Variants in RGS6 observed in about 807,000 individuals in gnomAD.
RGS6 encodes the protein regulator of G protein signaling 6.
A neutral mutation model predicts 78.5 loss-of-function variants in RGS6; 30 were observed. That is an observed-to-expected ratio of 0.38 (90% CI 0.29 to 0.52). The LOEUF is 0.52. Among genes scored for constraint, RGS6 ranks in the 20% least tolerant of loss-of-function variants. The pLI, the probability that RGS6 is intolerant of heterozygous loss-of-function variation, is 0.85. For synonymous variants in RGS6, 206 were observed against 206.0 expected (o/e 1.00, Z 0.00); for missense variants, 495 against 609.7 (o/e 0.81, Z 1.98).
intron 2 of RGS6, among the ~76,000 whole-genome samples, chr14:71,982,912 T>C (rs534834324): frequency 2.0e-5 from 3 of 152,210 alleles, no homozygotes; most frequent in African/African-American, 7.2e-5. Context: ...CCCCAGAACA[T>C]TGGCCTTGAG....
chr14:72,253,474 C>T (rs2056329853), intron 2 of RGS6, among the ~76,000 whole-genome samples: 1 of 152,232 alleles, frequency 6.6e-6, no homozygotes, highest in African/African-American at 2.4e-5. Context: ...GGGCCATTTA[C>T]AGTCTGTCAT....
In RGS6 at chr14:72,528,161, TGTCTAAA is replaced by T. The variant is rs2097140875; in HGVS notation, c.1279-8024_1279-8018del. Among the ~76,000 whole-genome samples, 3 of 152,318 alleles carry T rather than the reference TGTCTAAA, an allele frequency of 2.0e-5. No individual in the cohort carries two copies. The South Asian group carries it at 6.2e-4, about 32-fold the overall frequency. On this transcript the variant is annotated intron_variant, in intron 15 of 17. Transcript: ENST00000553525. ...ACCTCTTGAGAGAGTCACTGTGTTT[TGTCTAAA>T]AAGAAAGGAGATTTCCAAATGAGGA...
intron 2 of RGS6, among the ~76,000 whole-genome samples, chr14:72,216,757 T>C (rs2045666452): frequency 6.6e-6 from 1 of 152,152 alleles, no homozygotes. Flanking sequence ...TGTGTTTCTC[T>C]CTCTCTGGTT....
At chr14:72,389,048 C>A (rs2089196286) in intron 3 of RGS6, among the ~76,000 whole-genome samples, 1 of 152,296 alleles carries the variant, frequency 6.6e-6, no homozygotes, top group South Asian at 2.1e-4. Context: ...CCTCTCTTAG[C>A]TGCAAGAGAG....
chr14:71,998,757 C>T (rs562836602), intron 2 of RGS6, among the ~76,000 whole-genome samples: 19 of 152,326 alleles, frequency 1.2e-4, no homozygotes, highest in African/African-American at 4.3e-4. Context: ...TACCACCTCT[C>T]TTCCTAAAAG....
intron 2 of RGS6, among the ~76,000 whole-genome samples, chr14:72,127,189 G>A (rs1057045643): frequency 1.3e-5 from 2 of 152,150 alleles, no homozygotes; most frequent in Non-Finnish European, 2.9e-5. Flanking sequence ...AAGTGATGGG[G>A]AAAGTTATAA....
chr14:72,483,417 G>A (rs1156599718), intron 12 of RGS6, among the ~76,000 whole-genome samples: 1 of 152,164 alleles, frequency 6.6e-6, no homozygotes, highest in Non-Finnish European at 1.5e-5. Flanking sequence ...TCACTTGCCT[G>A]TATCTGAGAT....
intron 13 of RGS6, among the ~76,000 whole-genome samples, chr14:72,502,606 A>G (rs1046179320): frequency 1.3e-5 from 2 of 152,200 alleles, no homozygotes; most frequent in Non-Finnish European, 2.9e-5. Context: ...TCTACTAAAA[A>G]TACAAAAATT....
chr14:72,506,990 A>T (rs1163392994), intron 13 of RGS6, among the ~76,000 whole-genome samples: 2 of 70,524 alleles, frequency 2.8e-5, no homozygotes, highest in African/African-American at 1.2e-4. Context: ...CTACTAAAAA[A>T]AAAAAAAAAA....
chr14:71,883,224 G>A, the RGS6 span, among the ~76,000 whole-genome samples: 7 of 152,160 alleles, frequency 4.6e-5, no homozygotes, highest in Non-Finnish European at 1.0e-4. Context: ...GCTAAAGGCC[G>A]ACTAGTTCCC....
chr14:72,561,337 A>AGAT (rs1335562502), intron 17 of RGS6, among the ~76,000 whole-genome samples: 1 of 152,154 alleles, frequency 6.6e-6, no homozygotes, highest in African/African-American at 2.4e-5. Flanking sequence ...TGCCCTTCAC[A>AGAT]GATGGCGGTG....
Position 72,259,232 on chromosome 14 carries a change from T to C in RGS6, c.85-92863T>C, listed in dbSNP as rs184141008. The stretch of plus-strand genomic sequence containing the variant: ...TTAAAAGAATCAGATTTTGCAAAAA[T>C]AACATTTTTAAGTTTTCTTTCAAAA... On this transcript the variant is annotated intron_variant, in intron 2 of 17. Transcript: ENST00000553525. Among the ~76,000 whole-genome samples the C allele has an allele frequency of 2.5e-3, 379 of 152,312 alleles. 2 individuals carry two copies. The highest frequency in any genetic ancestry group is 4.2e-3 in the Non-Finnish European group (284 of 68,008).
At chr14:72,206,861 A>G (rs1360815814) in intron 2 of RGS6, among the ~76,000 whole-genome samples, 1 of 4,826 alleles carries the variant, frequency 2.1e-4, no homozygotes, top group Non-Finnish European at 3.0e-4. Flanking sequence ...ATATGTATAT[A>G]TATAAAATAC....
At chr14:72,057,133 G>A (rs192083870) in intron 2 of RGS6, among the ~76,000 whole-genome samples, 1 of 151,890 alleles carries the variant, frequency 6.6e-6, no homozygotes, top group East Asian at 1.9e-4. Context: ...AGGCAACATG[G>A]TGAAACCCCA....
intron 2 of RGS6, among the ~76,000 whole-genome samples, chr14:72,102,789 C>T (rs915186765): frequency 6.6e-6 from 1 of 152,104 alleles, no homozygotes; most frequent in Non-Finnish European, 1.5e-5. Context: ...TTTTAAAATA[C>T]CTATATTGGC....
chr14:72,603,162 T>A, the RGS6 span, among the ~76,000 whole-genome samples: 32 of 152,212 alleles, frequency 2.1e-4, no homozygotes, highest in Non-Finnish European at 4.3e-4. Context: ...AACATGGAGA[T>A]CATTTTCATA....
chr14:72,012,628 A>G (rs2086013965), intron 2 of RGS6, among the ~76,000 whole-genome samples: 1 of 152,198 alleles, frequency 6.6e-6, no homozygotes, highest in Non-Finnish European at 1.5e-5. Flanking sequence ...GTTTCCTGAC[A>G]AGATTCCTAA....
chr14:72,227,191 T>G (rs986612508), intron 2 of RGS6, among the ~76,000 whole-genome samples: 2 of 152,256 alleles, frequency 1.3e-5, no homozygotes, highest in African/African-American at 4.8e-5. Context: ...GAGTTACATA[T>G]AGTGAAACTT....
At chr14:72,288,100 C>T (rs1020978466) in intron 2 of RGS6, among the ~76,000 whole-genome samples, 1 of 151,984 alleles carries the variant, frequency 6.6e-6, no homozygotes, top group Non-Finnish European at 1.5e-5. Flanking sequence ...GTAATACTGG[C>T]CTTATAAAAT....
Sources: gnomAD v4.1 joint callset for allele counts (sites outside exome capture counted in the v4.1 genomes callset) on GRCh38, gnomAD v4.1.1 for gene constraint, MANE v1.5 for transcripts, NCBI Gene and HGNC (gene_info 2026-07-23, HGNC 2026-07-21) for gene names.